Variants in ESYT2 observed in about 807,000 individuals in gnomAD.
ESYT2 encodes the protein extended synaptotagmin-2.
In ESYT2, 54 loss-of-function variants were observed where a neutral mutation model predicts 107.2. The observed-to-expected ratio is 0.50, with a 90% CI of 0.40 to 0.63. The LOEUF is 0.63. Among genes scored for constraint, ESYT2 ranks in the 30% least tolerant of loss-of-function variants. ESYT2 has a pLI of 0.00. For synonymous variants in ESYT2, 491 were observed against 434.1 expected (o/e 1.13, Z -1.63); for missense variants, 1,020 against 1,094.5 (o/e 0.93, Z 0.96).
chr7:158,823,236 A>AGTGACCC (rs1404036282), intron 1 of ESYT2, among the ~76,000 whole-genome samples: 15 of 126,402 alleles, frequency 1.2e-4, no homozygotes, highest in Admixed American at 6.3e-4. Flanking sequence ...CGGAGGTTGC[A>AGTGACCC]GTGACCCGAG....
intron 16 of ESYT2, 119 bp from the exon 17 acceptor site, chr7:158,743,797 G>A: frequency 8.6e-7 from 1 of 1,159,834 alleles, no homozygotes; most frequent in South Asian, 1.8e-5. Context: ...AATGTAGAAA[G>A]GGGCCAGGTG....
intron 9 of ESYT2, among the ~76,000 whole-genome samples, chr7:158,764,334 ATAAC>A (rs1459286083): frequency 2.0e-5 from 3 of 152,238 alleles, no homozygotes; most frequent in Admixed American, 1.3e-4. Flanking sequence ...AAGGAGGTAT[ATAAC>A]TAACCTCATT....
chr7:158,753,982 T>C (rs1837668392), intron 13 of ESYT2, among the ~76,000 whole-genome samples: 1 of 152,046 alleles, frequency 6.6e-6, no homozygotes. Context: ...TCAAGTAAAG[T>C]AAAACAAGGA....
intron 6 of ESYT2, among the ~76,000 whole-genome samples, chr7:158,780,708 C>T (rs574778760): frequency 6.6e-6 from 1 of 152,172 alleles, no homozygotes; most frequent in Non-Finnish European, 1.5e-5. Context: ...AGAAACTAAT[C>T]GTCAGGGAGG....
chr7:158,757,424 C>T (rs1332104220), intron 13 of ESYT2, among the ~76,000 whole-genome samples: 2 of 152,176 alleles, frequency 1.3e-5, no homozygotes, highest in South Asian at 2.1e-4. Context: ...AAGTTTCCCT[C>T]GTAGATGCCC....
intron 1 of ESYT2, among the ~76,000 whole-genome samples, chr7:158,821,047 GA>G (rs1249754169): frequency 1.3e-5 from 2 of 151,962 alleles, no homozygotes; most frequent in Non-Finnish European, 2.9e-5. Flanking sequence ...TGCGATCCAG[GA>G]AAAAATTCAC....
intron 16 of ESYT2, among the ~76,000 whole-genome samples, chr7:158,744,593 G>A (rs1037470182): frequency 7.9e-5 from 12 of 152,118 alleles, no homozygotes; most frequent in Admixed American, 6.6e-4. Context: ...CAAACTCTTG[G>A]CCTCAAGTGA....
Position 158,743,633 on chromosome 7 carries a change from G to T in ESYT2, c.1690C>A (p.Pro564Thr). ...HQCSLGNLKVPLSQLLTSEDM... is the reference protein window; with the variant it reads ...HQCSLGNLKVTLSQLLTSEDM... ...TCACTGGTGAGCAGCTGGCTGAGGG[G>T]GACCTTCAGGTTCCCCAGGGAACAC... The change falls in exon 17 of 23, where the codon CCC (proline) becomes ACC (threonine). Residue 564 changes from proline to threonine, a missense_variant. Coordinates refer to ENST00000275418, the MANE Select transcript of ESYT2 (RefSeq NM_001367773.1). 1 of 1,613,476 alleles carries T rather than the reference G, an allele frequency of 6.2e-7. No homozygotes were observed. The highest frequency in any genetic ancestry group is 1.7e-4 in the Middle Eastern group (1 of 6,058).
chr7:158,753,165 T>G (rs1194392805), intron 13 of ESYT2, among the ~76,000 whole-genome samples: 3 of 152,252 alleles, frequency 2.0e-5, no homozygotes. Flanking sequence ...GGGTTCTATT[T>G]ACTATTCTAT....
chr7:158,756,914 T>TAAAAAAAA (rs201326042), intron 13 of ESYT2, among the ~76,000 whole-genome samples: 1 of 98,800 alleles, frequency 1.0e-5, no homozygotes, highest in African/African-American at 4.0e-5. Context: ...CATCTCAAAT[T>TAAAAAAAA]AAAAAAAAAA....
Position 158,764,938 on chromosome 7 carries a change from T to C in ESYT2, c.925-85A>G, listed in dbSNP as rs190599222. The C allele has an allele frequency of 2.7e-4, 374 of 1,372,032 alleles. 1 individual carries two copies. In the East Asian group the frequency reaches 4.8e-3, roughly 18 times the overall value. 85.0% of individuals were successfully genotyped at this position (1,372,032 alleles called of 1,614,324 possible). A position where few individuals can be genotyped will look rare whatever the true frequency, so the allele number is the denominator to read the frequency against. On this transcript the variant is annotated intron_variant, in intron 8 of 22. Coordinates refer to ENST00000275418, the MANE Select transcript of ESYT2 (RefSeq NM_001367773.1). ...AGATAGCTACGCACCTAACCCCGTC[T>C]CGAGAATTGGGAGTGCCGAGGGAAT...
At chr7:158,784,652 C>A (rs1839045189) in intron 6 of ESYT2, among the ~76,000 whole-genome samples, 1 of 152,222 alleles carries the variant, frequency 6.6e-6, no homozygotes, top group Admixed American at 6.5e-5. Context: ...GTCCCCTGTA[C>A]ACGTCATGAG....
chr7:158,806,028 T>G (rs1237585128), intron 1 of ESYT2, among the ~76,000 whole-genome samples: 1 of 150,058 alleles, frequency 6.7e-6, no homozygotes, highest in Non-Finnish European at 1.5e-5. Flanking sequence ...AGGGCTCTTT[T>G]GGCCTGAAGG....
chr7:158,797,791 T>C (rs1839509599), intron 3 of ESYT2, 151 bp downstream of exon 3: 2 of 1,008,010 alleles, frequency 2.0e-6, no homozygotes, highest in African/African-American at 1.6e-5. Context: ...GAGGCAGAGT[T>C]TGCAGTGAGC....
rs571171063 is a variant in ESYT2 at position 158,825,614 on chromosome 7, A to T, written c.330+3475T>A. 6.9e-4 allele frequency among the ~76,000 whole-genome samples: 105 copies of T among 152,370 alleles called. 1 individual carries two copies. The highest frequency in any genetic ancestry group is 1.2e-3 in the Admixed American group (19 of 15,306). On this transcript the variant is annotated intron_variant, in intron 1 of 22. Coordinates refer to ENST00000275418, the MANE Select transcript of ESYT2 (RefSeq NM_001367773.1). ...AGTACATATAGTTTCTCAAAGTATT[A>T]ATACTCTTATCTCATTTCCATATCC...
rs147767107 is a variant in ESYT2, at chr7:158,753,897, C to T, written c.1420-1054G>A. 4.1e-3 allele frequency among the ~76,000 whole-genome samples: 623 copies of T among 152,254 alleles called. 7 individuals carry two copies. Among genetic ancestry groups the T allele is most frequent in the Admixed American group, 8.6e-3 (131 of 15,294 alleles). ...GGAAGGACTGACATTCTTCGGATATCCTACAAACCCTTCCTGAAGCTCACT... is the reference window on the plus strand; with the variant it reads ...GGAAGGACTGACATTCTTCGGATATTCTACAAACCCTTCCTGAAGCTCACT... On this transcript the variant is annotated intron_variant, in intron 13 of 22. Transcript: ENST00000275418.
At position 158,816,569 on chromosome 7, in the gene ESYT2, G is replaced by A. The variant is rs542684443; in HGVS notation, c.330+12520C>T. Among the ~76,000 whole-genome samples, 3 of 152,262 alleles carry A rather than the reference G, an allele frequency of 2.0e-5. No individual in the cohort carries two copies. The South Asian group carries it at 6.2e-4, about 32-fold the overall frequency. The stretch of plus-strand genomic sequence containing the variant: ...CCCACCCCTCAGTTTTAGCCCAGAG[G>A]AACTGATTTCCAACTGCTGGCCTCC... On this transcript the variant is annotated intron_variant, in intron 1 of 22. Coordinates refer to ENST00000275418, the MANE Select transcript of ESYT2 (RefSeq NM_001367773.1).
intron 6 of ESYT2, among the ~76,000 whole-genome samples, chr7:158,776,776 T>C (rs964411495): frequency 5.3e-5 from 8 of 152,222 alleles, no homozygotes; most frequent in Non-Finnish European, 1.0e-4. Flanking sequence ...TTTGGCTGTT[T>C]GGCACAAGAG....
rs1242274324 is a variant in ESYT2 at position 158,748,226 on chromosome 7, G to T, written c.1612C>A (p.His538Asn). The T allele has an allele frequency of 6.2e-7, 1 of 1,614,178 alleles. No homozygotes were observed. Among genetic ancestry groups the T allele is most frequent in the Non-Finnish European group, 8.5e-7 (1 of 1,180,030 alleles). ...VWEENFTFFI[H>N]NPKRQDLEVE... is the part of the protein sequence containing the mutation. ...TCAAGGTCCTGGCGCTTGGGATTGT[G>T]AATGAAGAAAGTGAAGTTTTCCTCC... The change falls in exon 16 of 23, where the codon CAC becomes AAC. Residue 538 changes from histidine to asparagine, a missense_variant. His to Asn is a moderately conservative substitution (Grantham distance 68). Coordinates refer to ENST00000275418, the MANE Select transcript of ESYT2 (RefSeq NM_001367773.1).
Sources: allele counts gnomAD v4.1 joint callset (sites outside exome capture counted in the v4.1 genomes callset), GRCh38; gene constraint gnomAD v4.1.1; transcripts MANE v1.5; gene names NCBI Gene and HGNC (gene_info 2026-07-23, HGNC 2026-07-21).